GPR107: variants seen among roughly 807,000 people sequenced by gnomAD.
The protein encoded by GPR107 is G protein-coupled receptor 107.
A neutral mutation model predicts 75.5 loss-of-function variants in GPR107; 31 were observed. The ratio of observed to expected loss-of-function variants is 0.41; its 90% CI spans 0.31 to 0.55. The LOEUF is 0.55. Among genes scored for constraint, GPR107 ranks in the 20% least tolerant of loss-of-function variants. GPR107 has a pLI of 0.26. For synonymous variants in GPR107, 267 were observed against 251.3 expected, an observed-to-expected ratio of 1.06 and a Z score of -0.59; for missense variants, 572 against 665.7, an observed-to-expected ratio of 0.86 and a Z score of 1.55.
chr9:130,107,343 C>G (rs879679989), intron 13 of GPR107, among the ~76,000 whole-genome samples, 153 bp from the exon 14 acceptor site: 10 of 152,190 alleles, frequency 6.6e-5, no homozygotes, highest in East Asian at 3.8e-4. Context: ...CATTTCCCCC[C>G]CTCTACCCGT....
chr9:130,105,420 A>C (rs998465838), intron 13 of GPR107, among the ~76,000 whole-genome samples: 2 of 151,488 alleles, frequency 1.3e-5, no homozygotes, highest in African/African-American at 4.9e-5. Flanking sequence ...TGCCTGGCTA[A>C]TTTTTTTTGT....
chr9:130,086,183 G>T lies in GPR107; in HGVS notation c.565-237G>T, dbSNP rs186265558. Reference sequence around the variant, plus strand: ...CTAGCCGAAAGATTCAAGGCAGGGGGTGGAGGTAGGGGTTAGTGCAGAGGC... The same window carrying T: ...CTAGCCGAAAGATTCAAGGCAGGGGTTGGAGGTAGGGGTTAGTGCAGAGGC... On this transcript the variant is annotated intron_variant, in intron 6 of 17. Transcript: ENST00000347136. Among the ~76,000 whole-genome samples, 508 of 152,288 alleles carry T rather than the reference G, an allele frequency of 3.3e-3. 3 individuals are homozygous for T. The highest frequency in any genetic ancestry group is 0.012 in the African/African-American group (494 of 41,566).
At chr9:130,107,591 T>A in intron 14 of GPR107, 52 bp downstream of exon 14, 1 of 1,192,268 alleles carries the variant, frequency 8.4e-7, no homozygotes, top group Non-Finnish European at 1.3e-6. Context: ...TGAACCCACG[T>A]GCTGCGGCAC....
chr9:130,135,051 G>A lies in GPR107; in HGVS notation c.1589G>A (p.Ser530Asn), dbSNP rs782692239. 2.4e-5 allele frequency: 39 copies of A among 1,608,582 alleles called. No homozygotes were observed. The highest frequency in any genetic ancestry group is 4.0e-5 in the African/African-American group (3 of 74,848). The part of the protein sequence containing the change: ...SVVTTSGVME[S>N]MKKVKKVTNG... ...GTGACAACATCTGGGGTGATGGAAA[G>A]TATGAAGAAAGTCAAGAAGGTGACC... is the stretch of plus-strand genomic sequence containing the variant. Residue 530 changes from serine (S) to asparagine (N), a missense_variant, in exon 18 of 18, where the codon AGT (serine) becomes AAT (asparagine). Ser to Asn is a conservative substitution (Grantham distance 46, BLOSUM62 1). Coordinates refer to ENST00000347136, the MANE Select transcript of GPR107 (RefSeq NM_020960.5).
intron 17 of GPR107, among the ~76,000 whole-genome samples, chr9:130,133,799 C>A (rs1265732185): frequency 2.6e-5 from 4 of 152,182 alleles, no homozygotes; most frequent in Non-Finnish European, 5.9e-5. Context: ...CTAAAGGACT[C>A]GTTTGAGAAA....
intron 9 of GPR107, among the ~76,000 whole-genome samples, chr9:130,097,709 GTTT>G (rs560402864): frequency 3.7e-5 from 5 of 134,348 alleles, no homozygotes; most frequent in African/African-American, 2.8e-5. Flanking sequence ...TATTCTTTGG[GTTT>G]TTTTTTTTTT....
intron 17 of GPR107, among the ~76,000 whole-genome samples, chr9:130,131,369 C>G (rs782572215): frequency 6.6e-6 from 1 of 152,116 alleles, no homozygotes; most frequent in Non-Finnish European, 1.5e-5. Context: ...CTACCCCACC[C>G]TGGGCATCTG....
At position 130,075,698 on chromosome 9, in the gene GPR107, G is replaced by A. The variant is rs1665808232; in HGVS notation, c.204G>A (p.Val68=). The change falls in exon 2 of 18, where the codon GTG becomes GTA. Residue 68 remains valine (V), a synonymous_variant. Transcript: ENST00000347136. ...TFGFFKDGYM[V]VNVSSLSLNE... ...GCTTCTTCAAGGATGGGTACATGGTGGTGAATGTCAGTAGCCTCTCACTGA... is the reference window on the plus strand; with the variant it reads ...GCTTCTTCAAGGATGGGTACATGGTAGTGAATGTCAGTAGCCTCTCACTGA... 7 of 1,608,778 alleles carry A rather than the reference G, an allele frequency of 4.4e-6. No individual in the cohort carries two copies. Among genetic ancestry groups the A allele is most frequent in the Non-Finnish European group, 5.1e-6 (6 of 1,175,174 alleles).
intron 1 of GPR107, among the ~76,000 whole-genome samples, chr9:130,066,715 G>C (rs1397281035): frequency 6.6e-6 from 1 of 152,146 alleles, no homozygotes; most frequent in Non-Finnish European, 1.5e-5. Context: ...GCCGGGCGCG[G>C]TGGCTCATGC....
chr9:130,126,437 T>C (rs1420161030), intron 15 of GPR107, among the ~76,000 whole-genome samples: 1 of 150,028 alleles, frequency 6.7e-6, no homozygotes, highest in Non-Finnish European at 1.5e-5. Context: ...CCTCCGCCTC[T>C]TGGGTTCAAG....
intron 17 of GPR107, among the ~76,000 whole-genome samples, chr9:130,134,552 T>C (rs1307654242): frequency 2.0e-5 from 3 of 152,250 alleles, no homozygotes; most frequent in Non-Finnish European, 4.4e-5. Flanking sequence ...GGAAGGTTCC[T>C]CTAAACCTGT....
intron 4 of GPR107, among the ~76,000 whole-genome samples, chr9:130,078,725 C>G (rs1350260520): frequency 6.6e-6 from 1 of 152,204 alleles, no homozygotes; most frequent in Non-Finnish European, 1.5e-5. Flanking sequence ...TCTGCTCCAT[C>G]ATTCATATCC....
chr9:130,086,363 T>C (rs1307748782), intron 6 of GPR107, 57 bp from the exon 7 acceptor site: 7 of 695,066 alleles, frequency 1.0e-5, no homozygotes, highest in Non-Finnish European at 1.2e-5. Flanking sequence ...AAATTACTTT[T>C]AATTAGCATG....
chr9:130,136,408 T>G lies in GPR107; in HGVS notation c.*1287T>G, dbSNP rs977624683. On this transcript the variant is annotated 3_prime_UTR_variant, in exon 18 of 18. Transcript: ENST00000347136. ...GAGGGCTTAAAAGGAGACCAAAACA[T>G]GGCCCCATCAGGGAAGCTTCTTAAT... 5 of 152,194 alleles carry G rather than the reference T, an allele frequency of 3.3e-5. No homozygotes were observed. Among genetic ancestry groups the G allele is most frequent in the African/African-American group, 1.2e-4 (5 of 41,450 alleles). The allele number at this position is 152,194 out of a possible 1,614,324, so 9.4% of individuals were successfully genotyped here. A position where few individuals can be genotyped will look rare whatever the true frequency, so the allele number is the denominator to read the frequency against.
chr9:130,071,739 A>C (rs1830217368), intron 1 of GPR107, among the ~76,000 whole-genome samples: 1 of 151,942 alleles, frequency 6.6e-6, no homozygotes. Context: ...GCTGGAGTGC[A>C]ATGGTGCAAT....
chr9:130,056,371 ACC>A (rs1829788552), intron 1 of GPR107, among the ~76,000 whole-genome samples: 1 of 151,888 alleles, frequency 6.6e-6, no homozygotes, highest in Admixed American at 6.6e-5. Flanking sequence ...AATCGCTTGG[ACC>A]CAGGAGTAGG....
chr9:130,128,090 A>G (rs1831727740), intron 16 of GPR107, among the ~76,000 whole-genome samples: 1 of 152,216 alleles, frequency 6.6e-6, no homozygotes, highest in Non-Finnish European at 1.5e-5. Context: ...AAATAATTGC[A>G]TTCTTGATTT....
rs189560717 is a variant in GPR107, at chr9:130,112,645, G to C, written c.1306+5106G>C. Among the ~76,000 whole-genome samples, 135 of 152,354 alleles carry C rather than the reference G, an allele frequency of 8.9e-4. 1 individual carries two copies. Among genetic ancestry groups the C allele is most frequent in the African/African-American group, 3.1e-3 (130 of 41,584 alleles). On this transcript the variant is annotated intron_variant, in intron 14 of 17. Transcript: ENST00000347136. The surrounding 1 kb of genome is among the most constrained non-coding windows in gnomAD (Gnocchi z 4.0). Reference sequence around the variant, plus strand: ...TGGGAGGTGTGCACACAGCACTGCTGCTGGGCCTGAAGTGTGATGGGTGTG... The same window carrying C: ...TGGGAGGTGTGCACACAGCACTGCTCCTGGGCCTGAAGTGTGATGGGTGTG...
intron 1 of GPR107, among the ~76,000 whole-genome samples, chr9:130,063,486 G>A (rs546911150): frequency 4.6e-5 from 7 of 152,136 alleles, no homozygotes; most frequent in South Asian, 4.2e-4. Flanking sequence ...CACCGTACCC[G>A]GCTATAACAT....
Sources: gnomAD v4.1 joint callset for allele counts (sites outside exome capture counted in the v4.1 genomes callset) on GRCh38, gnomAD v4.1.1 for gene constraint, Gnocchi (gnomAD v3.1) non-coding constraint, MANE v1.5 for transcripts, NCBI Gene and HGNC (gene_info 2026-07-23, HGNC 2026-07-21) for gene names.